HK1: variants seen among roughly 807,000 people sequenced by gnomAD.
HK1 encodes hexokinase-1.
Under a neutral mutation model 91.6 loss-of-function variants are expected in HK1, and 28 were observed. The observed-to-expected ratio is 0.31, with a 90% CI of 0.23 to 0.42. HK1 has a LOEUF of 0.42. HK1 is among the 10% of genes least tolerant of loss of function. The probability of loss-of-function intolerance (pLI) is 1.00; values close to 1 mark genes in which losing one functional copy is unlikely to be tolerated. For synonymous variants in HK1, 430 were observed against 468.1 expected (o/e 0.92, Z 1.05); for missense variants, 770 against 1,219.8 (o/e 0.63, Z 5.49).
rs144016265 is a variant in HK1, at chr10:69,306,094, C to T, written c.27+5233C>T. Reference sequence around the variant, plus strand: ...GGGTGGGGCTGGGCACGGTGGCTCACGCCTGTAATCCCAGCACTTTGGGAG... The same window carrying T: ...GGGTGGGGCTGGGCACGGTGGCTCATGCCTGTAATCCCAGCACTTTGGGAG... On this transcript the variant is annotated intron_variant, in intron 5 of 21. Transcript: ENST00000360289. Among the ~76,000 whole-genome samples the T allele has an allele frequency of 3.4e-3, 523 of 151,982 alleles. 6 individuals are homozygous for T. Among genetic ancestry groups the T allele is most frequent in the African/African-American group, 0.012 (498 of 41,472 alleles).
At chr10:69,340,916 C>T (rs887852804) in intron 1 of HK1, among the ~76,000 whole-genome samples, 2 of 152,108 alleles carry the variant, frequency 1.3e-5, no homozygotes, top group Non-Finnish European at 2.9e-5. Flanking sequence ...AAACCACCCT[C>T]CCTCCCCTTC....
At chr10:69,397,414 G>A (rs1840191673) in intron 16 of HK1, among the ~76,000 whole-genome samples, 1 of 152,040 alleles carries the variant, frequency 6.6e-6, no homozygotes, top group African/African-American at 2.4e-5. Context: ...AAGAAAAATG[G>A]CCAAATATAG....
chr10:69,319,746 T>G (rs1248537216), intron 1 of HK1, among the ~76,000 whole-genome samples: 2 of 152,274 alleles, frequency 1.3e-5, no homozygotes, highest in Non-Finnish European at 2.9e-5. Flanking sequence ...CTTGGACGCA[T>G]GCATCCTCCT....
At chr10:69,326,672 A>T (rs1309380778) in intron 1 of HK1, among the ~76,000 whole-genome samples, 1 of 152,242 alleles carries the variant, frequency 6.6e-6, no homozygotes, top group Non-Finnish European at 1.5e-5. Context: ...GGCACATAAA[A>T]GAAGATTGAG....
At chr10:69,355,944 T>G (rs1849104611) in intron 2 of HK1, among the ~76,000 whole-genome samples, 1 of 152,056 alleles carries the variant, frequency 6.6e-6, no homozygotes, top group African/African-American at 2.4e-5. Flanking sequence ...AAGAATGAAG[T>G]TTGACCTACA....
chr10:69,328,196 G>A (rs983680541), intron 1 of HK1, among the ~76,000 whole-genome samples: 1 of 152,184 alleles, frequency 6.6e-6, no homozygotes, highest in East Asian at 1.9e-4. Flanking sequence ...CTGTACCCAC[G>A]TGGCAGGGAA....
intron 1 of HK1, among the ~76,000 whole-genome samples, chr10:69,332,893 C>A (rs1847807513): frequency 6.6e-6 from 1 of 152,114 alleles, no homozygotes; most frequent in Non-Finnish European, 1.5e-5. Flanking sequence ...AGTAGGCAGA[C>A]AACAGAGCCC....
intron 5 of HK1, among the ~76,000 whole-genome samples, chr10:69,307,486 A>C (rs1360382714): frequency 6.6e-6 from 1 of 152,166 alleles, no homozygotes; most frequent in African/African-American, 2.4e-5. Context: ...TGAGTGAAAT[A>C]AGAGAAATAA....
intron 9 of HK1, among the ~76,000 whole-genome samples, chr10:69,381,611 T>C (rs2132879268): frequency 7.1e-6 from 1 of 140,686 alleles, no homozygotes; most frequent in South Asian, 2.2e-4. Context: ...TGGAGCGGAG[T>C]GGTGTGCTCT....
intron 3 of HK1, among the ~76,000 whole-genome samples, chr10:69,362,197 C>T (rs889189424): frequency 6.6e-6 from 1 of 152,048 alleles, no homozygotes; most frequent in East Asian, 1.9e-4. Flanking sequence ...CCATCATTTG[C>T]CATCTTTAAT....
chr10:69,303,363 C>G (rs1052346910), intron 5 of HK1, among the ~76,000 whole-genome samples: 13 of 152,120 alleles, frequency 8.5e-5, no homozygotes, highest in African/African-American at 3.1e-4. Flanking sequence ...AGAGGGTTCA[C>G]TTTGCCCACT....
chr10:69,312,630 G>T (rs748308542), upstream of HK1, among the ~76,000 whole-genome samples: 22 of 152,126 alleles, frequency 1.4e-4, no homozygotes, highest in Non-Finnish European at 2.9e-4. Context: ...AGAAAGAAGG[G>T]ATCAGAGAAT....
At chr10:69,311,930 CG>C (rs1224602445), upstream of HK1, among the ~76,000 whole-genome samples, 7 of 151,788 alleles carry the variant, frequency 4.6e-5, no homozygotes, top group Admixed American at 1.3e-4. Context: ...CCACCGCGCT[CG>C]GCCCAAGCTA....
chr10:69,343,757 CGGGT>C, intron 1 of HK1, 66 bp from the exon 2 acceptor site: 1 of 1,205,554 alleles, frequency 8.3e-7, no homozygotes, highest in Non-Finnish European at 1.2e-6. Context: ...GCTATCTCAG[CGGGT>C]GGGTGCCTCA....
Position 69,364,251 on chromosome 10 carries a change from G to A in HK1, c.376-532G>A, listed in dbSNP as rs1319303789. Among the ~76,000 whole-genome samples, 5 of 152,346 alleles carry A rather than the reference G, an allele frequency of 3.3e-5. No homozygotes were observed. In the South Asian group the frequency reaches 8.3e-4, roughly 25 times the overall value. On this transcript the variant is annotated intron_variant, in intron 3 of 17. Transcript: ENST00000359426. ...ATCCAGTGAACTCTGCACTTAGGAT[G>A]TGTGTACTTTTTGGGGTATGCATAA...
chr10:69,395,190 T>C, intron 16 of HK1, 85 bp downstream of exon 16: 1 of 1,390,616 alleles, frequency 7.2e-7, no homozygotes. Context: ...GTAGGGACCC[T>C]AGGGGACATT....
intron 5 of HK1, among the ~76,000 whole-genome samples, chr10:69,303,580 G>C (rs1208793578): frequency 6.6e-6 from 1 of 152,140 alleles, no homozygotes; most frequent in Non-Finnish European, 1.5e-5. Flanking sequence ...CCCAGTCCAA[G>C]AGAAGTAGGC....
At chr10:69,323,497 G>T (rs1847160367) in intron 1 of HK1, among the ~76,000 whole-genome samples, 1 of 131,092 alleles carries the variant, frequency 7.6e-6, no homozygotes, top group African/African-American at 3.0e-5. Context: ...CTCCAGGCTG[G>T]ATGATAGAGC....
chr10:69,368,354 T>C (rs572860493), intron 4 of HK1, among the ~76,000 whole-genome samples, 182 bp from the exon 5 acceptor site: 2 of 152,300 alleles, frequency 1.3e-5, no homozygotes, highest in African/African-American at 4.8e-5. Flanking sequence ...GAGAAGCCCA[T>C]TGTGTGGATG....
Sources: gnomAD v4.1 joint callset for allele counts (sites outside exome capture counted in the v4.1 genomes callset) on GRCh38, gnomAD v4.1.1 for gene constraint, MANE v1.5 for transcripts, NCBI Gene and HGNC (gene_info 2026-07-23, HGNC 2026-07-21) for gene names.